The following MARCHF4 variants were observed in gnomAD, a reference collection of about 807,000 sequenced individuals.
MARCHF4 encodes the protein E3 ubiquitin-protein ligase MARCHF4.
In MARCHF4, 14 loss-of-function variants were observed where a neutral mutation model predicts 43.9. That is an observed-to-expected ratio of 0.32 (90% CI 0.21 to 0.50). The LOEUF (loss-of-function observed/expected upper bound fraction) is 0.50. MARCHF4 is among the 20% of genes least tolerant of loss of function. The probability of loss-of-function intolerance (pLI) is 0.98; values close to 1 mark genes in which losing one functional copy is unlikely to be tolerated. For synonymous variants in MARCHF4, 226 were observed against 213.3 expected (o/e 1.06, Z -0.52); for missense variants, 468 against 536.7 (o/e 0.87, Z 1.27).
rs904443242 is a variant in MARCHF4 at position 216,362,975 on chromosome 2, G to A, written c.516+6770C>T. 4.6e-5 allele frequency among the ~76,000 whole-genome samples: 7 copies of A among 152,008 alleles called. No homozygotes were observed. The South Asian group carries it at 1.3e-3, about 27-fold the overall frequency. On this transcript the variant is annotated intron_variant, in intron 1 of 3. Coordinates refer to ENST00000273067, the MANE Select transcript of MARCHF4 (RefSeq NM_020814.3). ...CTTCCCAGCAAACAAGCAGCAGCTC[G>A]CTCATTCCCACACTCCTTTAAGTGT...
intron 1 of MARCHF4, among the ~76,000 whole-genome samples, chr2:216,289,842 G>T (rs1426683991): frequency 6.6e-6 from 1 of 152,244 alleles, no homozygotes; most frequent in Non-Finnish European, 1.5e-5. Context: ...TTGGGGTGCA[G>T]TTTAGGGGCA....
chr2:216,267,597 T>C (rs1430790068), intron 3 of MARCHF4, among the ~76,000 whole-genome samples: 1 of 152,216 alleles, frequency 6.6e-6, no homozygotes, highest in African/African-American at 2.4e-5. Flanking sequence ...CTGCTGAAGT[T>C]ACCCTAACTA....
intron 3 of MARCHF4, 54 bp from the exon 4 acceptor site, chr2:216,259,733 G>T (rs1007242622): frequency 6.5e-7 from 1 of 1,547,722 alleles, no homozygotes; most frequent in Admixed American, 1.7e-5. Flanking sequence ...AGTGGGTCAC[G>T]GCCAGGAGAC....
intron 1 of MARCHF4, among the ~76,000 whole-genome samples, chr2:216,354,894 T>TCTTTCTTTCTTTCTTTCTTTCTTCCTTC (rs1559106481): frequency 8.3e-5 from 3 of 36,184 alleles, no homozygotes; most frequent in Non-Finnish European, 1.5e-4. Flanking sequence ...ATAATTGTTT[T>TCTTTCTTTCTTTCTTTCTTTCTTCCTTC]CTTTCTTTCT....
intron 3 of MARCHF4, among the ~76,000 whole-genome samples, chr2:216,275,819 A>G (rs1405208077): frequency 5.3e-5 from 8 of 152,142 alleles, no homozygotes. Context: ...GGGAGAGTGC[A>G]CTAGTTCTGA....
intron 1 of MARCHF4, among the ~76,000 whole-genome samples, chr2:216,321,060 G>A (rs1046434484): frequency 2.6e-5 from 4 of 151,910 alleles, no homozygotes; most frequent in Non-Finnish European, 5.9e-5. Context: ...GAATGCCAGA[G>A]CTATAATACA....
intron 1 of MARCHF4, among the ~76,000 whole-genome samples, chr2:216,287,861 C>A (rs775578558): frequency 1.3e-5 from 2 of 152,040 alleles, no homozygotes. Context: ...GTCTGTTCAC[C>A]AGCTGTGCAA....
chr2:216,334,481 G>A (rs1433523724), intron 1 of MARCHF4, among the ~76,000 whole-genome samples: 8 of 152,008 alleles, frequency 5.3e-5, no homozygotes, highest in African/African-American at 1.9e-4. Flanking sequence ...GCTCACTGTA[G>A]CCTCCAACTC....
intron 1 of MARCHF4, among the ~76,000 whole-genome samples, chr2:216,288,429 G>A (rs753381381): frequency 7.9e-5 from 12 of 152,116 alleles, no homozygotes; most frequent in Non-Finnish European, 1.6e-4. Flanking sequence ...TCTAAGACAG[G>A]TGAAATAGAT....
In MARCHF4 at chr2:216,369,863, C is replaced by T; in HGVS notation, c.398G>A (p.Ser133Asn). ...CTTACAGAAGTCATCTGAGGAGGCACTGCTGAGCAGCGAGGCAGGTGGCTC... is the reference window on the plus strand; with the variant it reads ...CTTACAGAAGTCATCTGAGGAGGCATTGCTGAGCAGCGAGGCAGGTGGCTC... ...ATEPPASLLS[S>N]ASSDDFCKEK... Residue 133 changes from serine (S) to asparagine (N), a missense_variant, in exon 1 of 4, where the codon AGT becomes AAT. Ser to Asn is a conservative substitution (Grantham distance 46). Transcript: ENST00000273067. The T allele has an allele frequency of 6.2e-7, 1 of 1,614,096 alleles. No individual in the cohort carries two copies. Among genetic ancestry groups the T allele is most frequent in the Non-Finnish European group, 8.5e-7 (1 of 1,180,046 alleles).
chr2:216,344,865 G>A (rs1278072011), intron 1 of MARCHF4, among the ~76,000 whole-genome samples: 2 of 151,952 alleles, frequency 1.3e-5, no homozygotes, highest in African/African-American at 4.8e-5. Context: ...CCTGGAATGA[G>A]CTGGGACAAA....
At chr2:216,296,678 C>A (rs1416533114) in intron 1 of MARCHF4, among the ~76,000 whole-genome samples, 2 of 152,204 alleles carry the variant, frequency 1.3e-5, no homozygotes, top group South Asian at 2.1e-4. Flanking sequence ...TCTGCCCTAT[C>A]ATTTTCTCTG....
At chr2:216,365,896 C>T (rs902403274) in intron 1 of MARCHF4, among the ~76,000 whole-genome samples, 1 of 152,180 alleles carries the variant, frequency 6.6e-6, no homozygotes, top group African/African-American at 2.4e-5. Context: ...TCCAGCAGAA[C>T]AGCAGGCAAA....
chr2:216,284,075 G>T (rs975234222), intron 1 of MARCHF4, among the ~76,000 whole-genome samples: 1 of 152,210 alleles, frequency 6.6e-6, no homozygotes. Context: ...CTCCGTAAAG[G>T]CTCAGCCAAG....
chr2:216,368,492 C>T (rs927523962), intron 1 of MARCHF4, among the ~76,000 whole-genome samples: 2 of 152,218 alleles, frequency 1.3e-5, no homozygotes, highest in Non-Finnish European at 2.9e-5. Context: ...TAATTCCAAG[C>T]TGTAGCTCCA....
chr2:216,368,090 T>C (rs969688998), intron 1 of MARCHF4, among the ~76,000 whole-genome samples: 11 of 152,160 alleles, frequency 7.2e-5, no homozygotes, highest in Non-Finnish European at 1.6e-4. Context: ...ACAAGAATGC[T>C]CTTGCCAGAA....
intron 1 of MARCHF4, among the ~76,000 whole-genome samples, chr2:216,358,949 T>A: frequency 6.6e-6 from 1 of 152,092 alleles, no homozygotes; most frequent in Non-Finnish European, 1.5e-5. Context: ...GGAAACCAAA[T>A]GGGGAGAAAT....
At position 216,277,653 on chromosome 2, in the gene MARCHF4, G is replaced by A. The variant is rs1280040747; in HGVS notation, c.865+19C>T. Reference sequence around the variant, plus strand: ...CACATGGTTCCCCACTTCCCATGGAGACAAACCCCCAGACCCACCTATGCA... The same window carrying A: ...CACATGGTTCCCCACTTCCCATGGAAACAAACCCCCAGACCCACCTATGCA... On this transcript the variant is annotated intron_variant, in intron 3 of 3. Transcript: ENST00000273067. The A allele has an allele frequency of 1.9e-6, 3 of 1,575,916 alleles. No individual in the cohort carries two copies. The highest frequency in any genetic ancestry group is 2.6e-6 in the Non-Finnish European group (3 of 1,153,068).
At chr2:216,331,451 C>T (rs1368547927) in intron 1 of MARCHF4, among the ~76,000 whole-genome samples, 3 of 151,956 alleles carry the variant, frequency 2.0e-5, no homozygotes, top group South Asian at 2.1e-4. Flanking sequence ...CAATACTGTG[C>T]AAACTCAAAA....
Sources: gnomAD v4.1 joint callset for allele counts (sites outside exome capture counted in the v4.1 genomes callset) on GRCh38, gnomAD v4.1.1 for gene constraint, MANE v1.5 for transcripts, NCBI Gene and HGNC (gene_info 2026-07-23, HGNC 2026-07-21) for gene names.